The following CEP112 variants were observed in gnomAD, a reference collection of about 807,000 sequenced individuals.
The protein encoded by CEP112 is centrosomal protein 112.
Under a neutral mutation model 153.0 loss-of-function variants are expected in CEP112, and 127 were observed. The ratio of observed to expected loss-of-function variants is 0.83; its 90% CI spans 0.72 to 0.96. The LOEUF (loss-of-function observed/expected upper bound fraction) is 0.96, where lower values mean the gene tolerates loss of function less well. Ranked by LOEUF, CEP112 falls within the 40% of genes least tolerant of loss-of-function variation. The pLI is 0.00. For synonymous variants in CEP112, 358 were observed against 374.4 expected (o/e 0.96, Z 0.51); for missense variants, 1,089 against 1,101.2 (o/e 0.99, Z 0.16).
At position 65,817,397 on chromosome 17, in the gene CEP112, G is replaced by A. The variant is rs143833822; in HGVS notation, c.2394+34407C>T. 4.6e-5 allele frequency among the ~76,000 whole-genome samples: 7 copies of A among 151,868 alleles called. No individual in the cohort carries two copies. The South Asian group carries it at 1.0e-3, about 23-fold the overall frequency. Reference sequence around the variant, plus strand: ...CTGAAACAACCAATAGCTATTTAACGGAGAAAGATTACAAAATCATTTCCT... The same window carrying A: ...CTGAAACAACCAATAGCTATTTAACAGAGAAAGATTACAAAATCATTTCCT... On this transcript the variant is annotated intron_variant, in intron 21 of 26. Coordinates refer to ENST00000535342, the MANE Select transcript of CEP112 (RefSeq NM_001199165.4).
At position 65,895,045 on chromosome 17, in the gene CEP112, T is replaced by C. The variant is rs112621789; in HGVS notation, c.2163+7107A>G. ...TGACAATCCAAAATTAGCAATATAA[T>C]GGATTTATGCAGAATAAATAAAATT... On this transcript the variant is annotated intron_variant, in intron 20 of 26. Transcript: ENST00000535342. Among the ~76,000 whole-genome samples the C allele has an allele frequency of 1.2e-3, 186 of 152,210 alleles. 1 individual carries two copies. Among genetic ancestry groups the C allele is most frequent in the African/African-American group, 4.4e-3 (183 of 41,548 alleles).
At chr17:65,761,583 A>G (rs1462299224) in intron 21 of CEP112, among the ~76,000 whole-genome samples, 1 of 152,108 alleles carries the variant, frequency 6.6e-6, no homozygotes, top group Non-Finnish European at 1.5e-5. Flanking sequence ...TATCACATAA[A>G]TTTTGGTAAG....
At chr17:65,890,014 T>C (rs1474207158) in intron 20 of CEP112, among the ~76,000 whole-genome samples, 1 of 152,144 alleles carries the variant, frequency 6.6e-6, no homozygotes, top group East Asian at 1.9e-4. Context: ...ACAGTGCGCG[T>C]ATATATATAA....
chr17:66,005,826 G>A, intron 16 of CEP112, 57 bp from the exon 17 acceptor site: 1 of 1,433,780 alleles, frequency 7.0e-7, no homozygotes. Context: ...TTACTTCAAA[G>A]AGACATACAA....
At chr17:65,787,696 C>T (rs1236684767) in intron 21 of CEP112, among the ~76,000 whole-genome samples, 1 of 152,164 alleles carries the variant, frequency 6.6e-6, no homozygotes, top group Admixed American at 6.5e-5. Flanking sequence ...TTCCTATACA[C>T]TTTCTATTTT....
At chr17:65,969,362 A>T (rs1456844896) in intron 17 of CEP112, among the ~76,000 whole-genome samples, 2 of 152,170 alleles carry the variant, frequency 1.3e-5, no homozygotes, top group East Asian at 3.8e-4. Context: ...AATATTTAAG[A>T]TTAACGTATT....
chr17:66,175,892 ACT>A (rs1448912459), intron 3 of CEP112, among the ~76,000 whole-genome samples: 1 of 152,154 alleles, frequency 6.6e-6, no homozygotes, highest in Non-Finnish European at 1.5e-5. Flanking sequence ...TCTAAAGAAA[ACT>A]CTGCATTGAC....
At chr17:66,023,823 C>T (rs537865015) in intron 16 of CEP112, among the ~76,000 whole-genome samples, 2 of 152,118 alleles carry the variant, frequency 1.3e-5, no homozygotes, top group African/African-American at 2.4e-5. Context: ...GAATGCTCTA[C>T]TTAAAAGGTA....
intron 21 of CEP112, among the ~76,000 whole-genome samples, chr17:65,784,152 G>T (rs961145066): frequency 6.6e-6 from 1 of 152,188 alleles, no homozygotes; most frequent in African/African-American, 2.4e-5. Flanking sequence ...AAAATGCAAG[G>T]CAAGAGCGAT....
chr17:65,715,345 A>C (rs2049444308), intron 23 of CEP112, among the ~76,000 whole-genome samples: 1 of 152,206 alleles, frequency 6.6e-6, no homozygotes, highest in African/African-American at 2.4e-5. Flanking sequence ...GAGTTTGCTA[A>C]GAGAGAAAGA....
At chr17:65,831,250 T>C (rs2057065305) in intron 21 of CEP112, among the ~76,000 whole-genome samples, 1 of 152,134 alleles carries the variant, frequency 6.6e-6, no homozygotes, top group Non-Finnish European at 1.5e-5. Flanking sequence ...TTCAGAATAA[T>C]ACTTTCAAAG....
intron 21 of CEP112, among the ~76,000 whole-genome samples, chr17:65,841,242 A>G (rs542425094): frequency 6.6e-6 from 1 of 152,204 alleles, no homozygotes; most frequent in African/African-American, 2.4e-5. Context: ...AGATATGGAA[A>G]CAACATAAAT....
chr17:66,118,822 A>G (rs2069429485), intron 6 of CEP112, among the ~76,000 whole-genome samples: 2 of 152,190 alleles, frequency 1.3e-5, no homozygotes, highest in South Asian at 4.1e-4. Flanking sequence ...AAAATATCAC[A>G]TCCCCATAAA....
At chr17:66,177,807 T>C (rs2072549865) in intron 2 of CEP112, among the ~76,000 whole-genome samples, 1 of 152,146 alleles carries the variant, frequency 6.6e-6, no homozygotes, top group Non-Finnish European at 1.5e-5. Context: ...AGTAAGAATA[T>C]ATGAAGATTG....
chr17:65,937,534 T>A (rs1451376704), intron 18 of CEP112, among the ~76,000 whole-genome samples: 22 of 104,796 alleles, frequency 2.1e-4, no homozygotes, highest in East Asian at 8.2e-4. Flanking sequence ...GGAGCCCCTC[T>A]GCCCGGCCAG....
In CEP112 at chr17:66,053,897, G is replaced by T; in HGVS notation, c.1075-18C>A. On this transcript the variant is annotated intron_variant, in intron 11 of 26. Coordinates refer to ENST00000535342, the MANE Select transcript of CEP112 (RefSeq NM_001199165.4). ...TTGTGAAGCTACATCAGGAAATCAA[G>T]AGTTGACTCTTTTACTACTATGGAA... 6.2e-7 allele frequency: 1 copy of T among 1,601,112 alleles called. No homozygotes were observed. The highest frequency in any genetic ancestry group is 8.5e-7 in the Non-Finnish European group (1 of 1,172,788).
chr17:65,853,004 T>C (rs1184562727), intron 20 of CEP112, among the ~76,000 whole-genome samples: 1 of 152,240 alleles, frequency 6.6e-6, no homozygotes, highest in Non-Finnish European at 1.5e-5. Flanking sequence ...ATTATAATTT[T>C]TGTCTTTGAC....
In CEP112 at chr17:65,824,442, GTT is replaced by G. The variant is rs146642407; in HGVS notation, c.2394+27360_2394+27361del. On this transcript the variant is annotated intron_variant, in intron 21 of 26. Coordinates refer to ENST00000535342, the MANE Select transcript of CEP112 (RefSeq NM_001199165.4). Reference sequence around the variant, plus strand: ...GCTGATGACAAAGGTCTGGAGAAATGTTTGAGGTGATGGAACTGTTCTTCATC... The same window carrying G: ...GCTGATGACAAAGGTCTGGAGAAATGTGAGGTGATGGAACTGTTCTTCATC... Among the ~76,000 whole-genome samples, 222 of 152,380 alleles carry G rather than the reference GTT, an allele frequency of 1.5e-3. 3 individuals carry two copies. In the East Asian group the frequency reaches 0.028, roughly 19 times the overall value.
intron 18 of CEP112, among the ~76,000 whole-genome samples, chr17:65,931,550 T>C (rs1046614584): frequency 1.3e-5 from 2 of 152,182 alleles, no homozygotes; most frequent in South Asian, 2.1e-4. Flanking sequence ...GGCTAGAACA[T>C]CTGAGATCAG....
Sources: gnomAD v4.1 joint callset for allele counts (sites outside exome capture counted in the v4.1 genomes callset) on GRCh38, gnomAD v4.1.1 for gene constraint, MANE v1.5 for transcripts, NCBI Gene and HGNC (gene_info 2026-07-23, HGNC 2026-07-21) for gene names.